The following PDE11A variants were observed in gnomAD, a reference collection of about 807,000 sequenced individuals.
PDE11A encodes the protein phosphodiesterase 11A.
PDE11A carries 100 observed loss-of-function variants against 100.5 expected under a neutral mutation model. That is an observed-to-expected ratio of 1.00 (90% confidence interval 0.85 to 1.18). The LOEUF is 1.18. PDE11A is among the 50% of genes most tolerant of loss of function. PDE11A has a pLI of 0.00. For synonymous variants in PDE11A, 381 were observed against 420.8 expected, an observed-to-expected ratio of 0.91 and a Z score of 1.16; for missense variants, 1,141 against 1,152.6, an observed-to-expected ratio of 0.99 and a Z score of 0.15.
chr2:177,944,423 G>C (rs1186898579), intron 2 of PDE11A, among the ~76,000 whole-genome samples: 3 of 152,196 alleles, frequency 2.0e-5, no homozygotes, highest in Non-Finnish European at 4.4e-5. Flanking sequence ...CTTTGCAACA[G>C]ATAGGGTGCC....
intron 2 of PDE11A, among the ~76,000 whole-genome samples, chr2:178,079,772 C>A (rs1398712636): frequency 1.3e-5 from 2 of 152,150 alleles, no homozygotes; most frequent in Non-Finnish European, 2.9e-5. Flanking sequence ...TAAAAGCATG[C>A]CTTTTTCTCC....
intron 9 of PDE11A, among the ~76,000 whole-genome samples, chr2:177,812,328 T>C (rs1170375255): frequency 6.6e-6 from 1 of 152,130 alleles, no homozygotes; most frequent in African/African-American, 2.4e-5. Flanking sequence ...CTAACTAAAC[T>C]GATCAGGCTA....
chr2:177,786,308 C>A (rs2082536571), intron 9 of PDE11A, among the ~76,000 whole-genome samples: 1 of 152,212 alleles, frequency 6.6e-6, no homozygotes, highest in African/African-American at 2.4e-5. Flanking sequence ...CAAACTCCAA[C>A]AGACCTGCAG....
intron 1 of PDE11A, chr2:178,108,219 C>A (rs902208278): frequency 3.3e-5 from 5 of 152,308 alleles, no homozygotes; most frequent in Admixed American, 6.5e-5. Flanking sequence ...AAACGGCCAG[C>A]GGTTCCTCCC....
intron 15 of PDE11A, among the ~76,000 whole-genome samples, chr2:177,690,235 T>TAATA (rs2081023226): frequency 6.6e-6 from 1 of 152,202 alleles, no homozygotes. Context: ...AATGTTATAA[T>TAATA]AATATATAAT....
chr2:177,796,761 C>A (rs1201498742), intron 9 of PDE11A, among the ~76,000 whole-genome samples: 1 of 152,168 alleles, frequency 6.6e-6, no homozygotes, highest in Non-Finnish European at 1.5e-5. Flanking sequence ...CAATGTTTTA[C>A]AAGAGAAGCC....
intron 2 of PDE11A, among the ~76,000 whole-genome samples, chr2:177,940,813 ATCGTTTACCCT>A (rs2085337687): frequency 6.6e-6 from 1 of 152,218 alleles, no homozygotes; most frequent in South Asian, 2.1e-4. Context: ...TTAGTAGGAC[ATCGTTTACCCT>A]CTATCTTGCA....
At chr2:177,982,940 C>T (rs1054679003) in intron 2 of PDE11A, among the ~76,000 whole-genome samples, 2 of 150,234 alleles carry the variant, frequency 1.3e-5, no homozygotes, top group African/African-American at 4.8e-5. Context: ...ATTAGCCAGA[C>T]GGGGTGGCAC....
intron 2 of PDE11A, among the ~76,000 whole-genome samples, chr2:177,950,253 C>T (rs13392161): frequency 0.062 from 9,483 of 151,848 alleles, 305 homozygotes; most frequent in South Asian, 0.094. Context: ...TCCAGACTCT[C>T]CAGAGCTCAA....
intron 6 of PDE11A, among the ~76,000 whole-genome samples, chr2:177,839,317 A>T (rs751916933): frequency 6.6e-6 from 1 of 152,174 alleles, no homozygotes; most frequent in Non-Finnish European, 1.5e-5. Flanking sequence ...AATGGGAATG[A>T]TGACATCTAC....
rs141820424 is a variant in PDE11A at position 178,085,190 on chromosome 2, T to G, written c.162+19112A>C. On this transcript the variant is annotated intron_variant, in intron 2 of 20. Coordinates refer to the PDE11A transcript ENST00000358450. ...ACATACAGAAATTGGTACCTAGACG[T>G]GAGGTGCTGCTATCACCAAAATATA... Among the ~76,000 whole-genome samples, 14 of 152,280 alleles carry G rather than the reference T, an allele frequency of 9.2e-5. No individual in the cohort carries two copies. In the East Asian group the frequency reaches 1.9e-3, roughly 21 times the overall value.
At chr2:177,723,360 T>C (rs906583454) in intron 12 of PDE11A, 6 of 152,278 alleles carry the variant, frequency 3.9e-5, no homozygotes, top group South Asian at 2.1e-4. Context: ...AAGCCCCCAG[T>C]AAATGTCAGG....
chr2:177,782,780 T>G (rs1477450444), intron 9 of PDE11A, among the ~76,000 whole-genome samples: 1 of 152,056 alleles, frequency 6.6e-6, no homozygotes, highest in Admixed American at 6.6e-5. Context: ...CCCTACTTCC[T>G]TCCTTTCTCT....
chr2:178,007,392 T>C (rs1484362765), intron 2 of PDE11A, among the ~76,000 whole-genome samples: 1 of 152,230 alleles, frequency 6.6e-6, no homozygotes, highest in Non-Finnish European at 1.5e-5. Context: ...AGAAGAATCT[T>C]GGTTGTTTTT....
intron 12 of PDE11A, among the ~76,000 whole-genome samples, chr2:177,720,480 G>T (rs2081510479): frequency 6.6e-6 from 1 of 152,082 alleles, no homozygotes; most frequent in Non-Finnish European, 1.5e-5. Flanking sequence ...AGATTTAGTG[G>T]TCATACTCCC....
chr2:177,714,496 A>C (rs1052504584), intron 12 of PDE11A, among the ~76,000 whole-genome samples: 20 of 152,152 alleles, frequency 1.3e-4, no homozygotes, highest in African/African-American at 4.8e-4. Flanking sequence ...AGAGAGGCTA[A>C]GTCATATGCC....
At chr2:177,782,905 A>C (rs1383540522) in intron 9 of PDE11A, among the ~76,000 whole-genome samples, 1 of 139,744 alleles carries the variant, frequency 7.2e-6, no homozygotes. Flanking sequence ...TGAAAAGACA[A>C]ATTATGAAGT....
chr2:177,942,108 C>A (rs2085352087), intron 2 of PDE11A, among the ~76,000 whole-genome samples: 1 of 152,196 alleles, frequency 6.6e-6, no homozygotes, highest in African/African-American at 2.4e-5. Flanking sequence ...TCTACATTAG[C>A]CTTGTAATAT....
chr2:177,890,671 C>G (rs914702681), intron 4 of PDE11A, among the ~76,000 whole-genome samples: 6 of 151,980 alleles, frequency 3.9e-5, no homozygotes, highest in African/African-American at 1.5e-4. Context: ...TTAGCAAATC[C>G]TCTCTCCTGA....
Sources: allele counts gnomAD v4.1 joint callset (sites outside exome capture counted in the v4.1 genomes callset), GRCh38; gene constraint gnomAD v4.1.1; transcripts MANE v1.5; gene names NCBI Gene and HGNC (gene_info 2026-07-23, HGNC 2026-07-21).